Variants in BIRC5 observed in about 807,000 individuals in gnomAD.
BIRC5 encodes baculoviral IAP repeat-containing protein 5.
BIRC5 carries 8 observed loss-of-function variants against 15.8 expected under a neutral mutation model. That is an observed-to-expected ratio of 0.51 (90% confidence interval 0.30 to 0.91). The LOEUF (loss-of-function observed/expected upper bound fraction) is 0.91. Ranked by LOEUF, BIRC5 falls within the 40% of genes least tolerant of loss-of-function variation. The pLI, the probability that BIRC5 is intolerant of heterozygous loss-of-function variation, is 0.07. For missense variants in BIRC5, 163 were observed against 178.6 expected (o/e 0.91, Z 0.50); for synonymous variants, 56 against 64.5 (o/e 0.87, Z 0.63).
At chr17:78,217,103 C>T (rs1308713066) in intron 3 of BIRC5, among the ~76,000 whole-genome samples, 1 of 151,758 alleles carries the variant, frequency 6.6e-6, no homozygotes, top group Non-Finnish European at 1.5e-5. Flanking sequence ...TGGTCTTGAA[C>T]TCCTGACCTC....
At chr17:78,221,872 G>A (rs1019905349) in intron 3 of BIRC5, among the ~76,000 whole-genome samples, 2 of 152,236 alleles carry the variant, frequency 1.3e-5, no homozygotes, top group East Asian at 1.9e-4. Flanking sequence ...GGCTCCCTGG[G>A]ACTGCAGAGT....
At chr17:78,218,480 C>T (rs1455113928) in intron 3 of BIRC5, among the ~76,000 whole-genome samples, 2 of 146,486 alleles carry the variant, frequency 1.4e-5, no homozygotes, top group Non-Finnish European at 3.0e-5. Flanking sequence ...TTTTAGTAGA[C>T]GGGGTTTCAC....
chr17:78,217,955 C>CTTAT (rs201966373), intron 3 of BIRC5, among the ~76,000 whole-genome samples: 3,029 of 150,654 alleles, frequency 0.02, 48 homozygotes, highest in African/African-American at 0.032. Context: ...CCATGCCCAC[C>CTTAT]TTATTTATTT....
At chr17:78,217,673 A>G (rs898076172) in intron 3 of BIRC5, among the ~76,000 whole-genome samples, 2 of 146,344 alleles carry the variant, frequency 1.4e-5, no homozygotes, top group Admixed American at 1.4e-4. Context: ...ATTTTTTTGT[A>G]TTTTTAGTAG....
chr17:78,222,780 G>A (rs2145901017), intron 3 of BIRC5: 1 of 1,533,422 alleles, frequency 6.5e-7, no homozygotes, highest in East Asian at 2.4e-5. Flanking sequence ...AATATGGTAG[G>A]GAAGGGGGTC....
intron 3 of BIRC5, chr17:78,222,814 C>T (rs1463531714): frequency 1.3e-6 from 2 of 1,535,820 alleles, no homozygotes; most frequent in Admixed American, 3.9e-5. Context: ...ATGTGATTGT[C>T]ATTTGCCCCT....
chr17:78,217,622 G>C (rs1395194831), intron 3 of BIRC5, among the ~76,000 whole-genome samples: 2 of 151,662 alleles, frequency 1.3e-5, no homozygotes, highest in Non-Finnish European at 2.9e-5. Flanking sequence ...TCAGCCTCCC[G>C]AGTAGCTGGG....
chr17:78,215,820 C>CCAAAAACATTA, intron 2 of BIRC5: 1 of 919,828 alleles, frequency 1.1e-6, no homozygotes, highest in Non-Finnish European at 1.4e-6. Context: ...CTTTGTGTGG[C>CCAAAAACATTA]CATGTTTTCA....
chr17:78,218,129 C>T (rs937876182), intron 3 of BIRC5, among the ~76,000 whole-genome samples: 2 of 150,490 alleles, frequency 1.3e-5, no homozygotes, highest in Non-Finnish European at 3.0e-5. Context: ...TTTTTAAAGC[C>T]CCTAGGATGT....
chr17:78,222,798 T>C, intron 3 of BIRC5: 1 of 1,534,818 alleles, frequency 6.5e-7, no homozygotes, highest in Non-Finnish European at 8.7e-7. Flanking sequence ...GTCCCTGGAT[T>C]TGCTAATGTG....
rs1180700793 is a variant in BIRC5 at position 78,224,059 on chromosome 17, TTTTTG to T, written c.*510_*514del. 3.0e-5 allele frequency: 4 copies of T among 133,786 alleles called. No homozygotes were observed. Among genetic ancestry groups the T allele is most frequent in the African/African-American group, 9.4e-5 (3 of 31,766 alleles). 8.3% of individuals were successfully genotyped at this position (133,786 alleles called of 1,614,324 possible). On this transcript the variant is annotated 3_prime_UTR_variant, in exon 4 of 4. Coordinates refer to ENST00000350051, the MANE Select transcript of BIRC5 (RefSeq NM_001168.3). ...AGGACAGTTTTTTTGTTGTTGTGTT[TTTTTG>T]TTTTTTTTTTTTTGGTAGATGCATG...
chr17:78,222,888 C>T lies in BIRC5; in HGVS notation c.340-577C>T. The T allele has an allele frequency of 1.3e-6, 2 of 1,535,828 alleles. 1 individual carries two copies. The highest frequency in any genetic ancestry group is 1.7e-6 in the Non-Finnish European group (2 of 1,146,832). On this transcript the variant is annotated intron_variant, in intron 3 of 3. Transcript: ENST00000350051. ...GCCAGATTCAGGGAGGGACTGGAAG[C>T]AAAAGAATTTCTGTTCGAGGAAGAG...
intron 1 of BIRC5, 104 bp downstream of exon 1, chr17:78,214,531 C>T: frequency 3.9e-6 from 5 of 1,283,092 alleles, no homozygotes; most frequent in Non-Finnish European, 5.3e-6. Flanking sequence ...CTCCCCTCCC[C>T]GTCCTGTCCC....
rs1163759342 is a variant in BIRC5, at chr17:78,214,419, C to T, written c.103C>T (p.Pro35Ser). 6.3e-7 allele frequency: 1 copy of T among 1,577,546 alleles called. No individual in the cohort carries two copies. Among genetic ancestry groups the T allele is most frequent in the Non-Finnish European group, 8.6e-7 (1 of 1,160,966 alleles). ...WPFLEGCACT[P>S]ERMAEAGFIH... ...CTTCTTGGAGGGCTGCGCCTGCACC[C>T]CGGAGCGGGTGAGACTGCCCGGCCT... Residue 35 changes from proline (P) to serine (S), a missense_variant, in exon 1 of 4, where the codon CCG (proline) becomes TCG (serine). Physicochemically the swap from Pro to Ser is moderately conservative, Grantham distance 74 (BLOSUM62 -1). Coordinates refer to ENST00000350051, the MANE Select transcript of BIRC5 (RefSeq NM_001168.3).
intron 3 of BIRC5, among the ~76,000 whole-genome samples, chr17:78,222,557 C>T (rs1033087781): frequency 6.6e-6 from 1 of 151,998 alleles, no homozygotes; most frequent in African/African-American, 2.4e-5. Flanking sequence ...CCCAGCTACT[C>T]GGGAGGCTGA....
At chr17:78,219,932 G>A (rs1402696376) in intron 3 of BIRC5, among the ~76,000 whole-genome samples, 1 of 152,158 alleles carries the variant, frequency 6.6e-6, no homozygotes, top group African/African-American at 2.4e-5. Context: ...GGTGTGAGCT[G>A]GAAACCAGGT....
At chr17:78,222,653 G>A (rs777216476) in intron 3 of BIRC5, among the ~76,000 whole-genome samples, 3 of 152,104 alleles carry the variant, frequency 2.0e-5, no homozygotes, top group African/African-American at 4.8e-5. Flanking sequence ...CAACAAGAGC[G>A]AAAGTCCGTC....
In BIRC5 at chr17:78,214,717, A is replaced by G; in HGVS notation, c.149A>G (p.Asn50Ser). 2 of 1,611,494 alleles carry G rather than the reference A, an allele frequency of 1.2e-6. No individual in the cohort carries two copies. Among genetic ancestry groups the G allele is most frequent in the Non-Finnish European group, 1.7e-6 (2 of 1,179,040 alleles). Residue 50 changes from asparagine (N) to serine (S), a missense_variant, in exon 2 of 4, where the codon AAC becomes AGC. Transcript: ENST00000350051. Reference protein sequence around the residue: ...EAGFIHCPTENEPDLAQCFFC... With the variant: ...EAGFIHCPTESEPDLAQCFFC... ...GGCTTCATCCACTGCCCCACTGAGA[A>G]CGAGCCAGACTTGGCCCAGTGTTTC...
chr17:78,223,421 G>A, intron 3 of BIRC5, 44 bp from the exon 4 acceptor site: 1 of 1,507,160 alleles, frequency 6.6e-7, no homozygotes, highest in Non-Finnish European at 8.9e-7. Context: ...GATGTGACTG[G>A]GAAGCTCTGG....
Sources: gnomAD v4.1 joint callset for allele counts (sites outside exome capture counted in the v4.1 genomes callset) on GRCh38, gnomAD v4.1.1 for gene constraint, MANE v1.5 for transcripts, NCBI Gene and HGNC (gene_info 2026-07-23, HGNC 2026-07-21) for gene names.